FOXP2: variants seen among roughly 807,000 people sequenced by gnomAD.
FOXP2 encodes the protein forkhead box P2, also known as forkhead box protein P2.
In FOXP2, 12 loss-of-function variants were observed where a neutral mutation model predicts 115.8. The ratio of observed to expected loss-of-function variants is 0.10; its 90% CI spans 0.07 to 0.17. The LOEUF is 0.17. Ranked by LOEUF, FOXP2 falls within the 10% of genes least tolerant of loss-of-function variation. The probability of loss-of-function intolerance (pLI) is 1.00; values close to 1 mark genes in which losing one functional copy is unlikely to be tolerated. For missense variants in FOXP2, 629 were observed against 843.5 expected (o/e 0.75, Z 3.15); for synonymous variants, 328 against 297.7 (o/e 1.10, Z -1.05).
intron 3 of FOXP2, chr7:114,570,897 C>T: frequency 6.2e-7 from 1 of 1,609,118 alleles, no homozygotes; most frequent in Non-Finnish European, 8.5e-7. Flanking sequence ...TTACACTGGG[C>T]AATTAGAAAT....
At chr7:114,525,270 C>T (rs1323866899) in intron 2 of FOXP2, among the ~76,000 whole-genome samples, 1 of 152,122 alleles carries the variant, frequency 6.6e-6, no homozygotes, top group Admixed American at 6.5e-5. Flanking sequence ...CAAAAGTCTT[C>T]GCCTGGAATA....
intron 2 of FOXP2, among the ~76,000 whole-genome samples, chr7:114,492,045 C>T (rs941012986): frequency 2.0e-5 from 3 of 152,018 alleles, no homozygotes; most frequent in Non-Finnish European, 2.9e-5. Flanking sequence ...TGGTCCTGGA[C>T]TTTTTTTGGT....
chr7:114,141,142 C>A lies in FOXP2; in HGVS notation c.-246-21802C>A, dbSNP rs114174642. 3.6e-3 allele frequency among the ~76,000 whole-genome samples: 550 copies of A among 152,128 alleles called. 5 individuals carry two copies. Among genetic ancestry groups the A allele is most frequent in the African/African-American group, 0.013 (525 of 41,506 alleles). ...TAAAATGAGAAAGAAAAGAAAGGCC[C>A]ATATTTACCAGTAAGCTAAGTCACT... On this transcript the variant is annotated intron_variant, in intron 1 of 19. Coordinates refer to the FOXP2 transcript ENST00000635638.
chr7:114,390,677 C>T (rs1792573040), intron 2 of FOXP2, among the ~76,000 whole-genome samples: 2 of 152,152 alleles, frequency 1.3e-5, no homozygotes, highest in Middle Eastern at 6.8e-3. Context: ...ACCTCAGCCT[C>T]CTGAGTAGCT....
At chr7:114,596,290 G>A (rs1802702864) in intron 3 of FOXP2, among the ~76,000 whole-genome samples, 1 of 152,024 alleles carries the variant, frequency 6.6e-6, no homozygotes, top group African/African-American at 2.4e-5. Flanking sequence ...TTTATGGCAA[G>A]CAATTGTCAA....
At chr7:114,386,237 G>GC (rs1268493725) in intron 2 of FOXP2, among the ~76,000 whole-genome samples, 6 of 152,196 alleles carry the variant, frequency 3.9e-5, no homozygotes, top group African/African-American at 1.4e-4. Context: ...GAGTGCAGTT[G>GC]CAAGATTTAA....
At chr7:114,106,313 A>G (rs754037660) in intron 1 of FOXP2, among the ~76,000 whole-genome samples, 1 of 151,624 alleles carries the variant, frequency 6.6e-6, no homozygotes, top group Non-Finnish European at 1.5e-5. Flanking sequence ...TTTAGTGATA[A>G]CTAGGGATCT....
chr7:114,688,995 A>G (rs959358718), intron 16 of FOXP2, among the ~76,000 whole-genome samples: 2 of 152,080 alleles, frequency 1.3e-5, no homozygotes, highest in South Asian at 2.1e-4. Context: ...TTGATTATTT[A>G]TATATAATAT....
chr7:114,145,750 A>G (rs1004172816), intron 1 of FOXP2, among the ~76,000 whole-genome samples: 1 of 152,156 alleles, frequency 6.6e-6, no homozygotes, highest in Non-Finnish European at 1.5e-5. Context: ...CAGAGAACAT[A>G]TATGCAATTC....
intron 2 of FOXP2, among the ~76,000 whole-genome samples, chr7:114,328,096 T>G (rs1337538255): frequency 2.6e-5 from 4 of 151,404 alleles, no homozygotes. Context: ...AATTTTTTTT[T>G]TCTTGTAGAG....
At chr7:114,161,906 C>A (rs1226125048), upstream of FOXP2, among the ~76,000 whole-genome samples, 1 of 152,052 alleles carries the variant, frequency 6.6e-6, no homozygotes, top group Admixed American at 6.6e-5. Context: ...CCTCAGCCTC[C>A]TGAGTAGCTG....
Position 114,426,597 on chromosome 7 carries a change from C to T in FOXP2, c.86C>T (p.Ala29Val). Residue 29 changes from alanine to valine, a missense_variant, in exon 2 of 17, where the codon GCT becomes GTT. Ala to Val is a moderately conservative substitution (Grantham distance 64, BLOSUM62 0). Transcript: ENST00000350908. Reference protein sequence around the residue: ...GMSTLSSQLDAGSRDGRSSGD... With the variant: ...GMSTLSSQLDVGSRDGRSSGD... The stretch of plus-strand genomic sequence containing the variant: ...AGCACTCTAAGCAGCCAATTAGATG[C>T]TGGCAGCAGAGATGGAAGATCAAGT... The T allele has an allele frequency of 6.2e-7, 1 of 1,611,680 alleles. No individual in the cohort carries two copies. The highest frequency in any genetic ancestry group is 2.2e-5 in the East Asian group (1 of 44,754).
intron 2 of FOXP2, among the ~76,000 whole-genome samples, chr7:114,500,275 A>G (rs1036115853): frequency 6.6e-6 from 1 of 151,830 alleles, no homozygotes; most frequent in African/African-American, 2.4e-5. Flanking sequence ...CAAAATGAGA[A>G]ACTGAAACTT....
intron 2 of FOXP2, among the ~76,000 whole-genome samples, chr7:114,324,637 C>T (rs938903653): frequency 2.6e-5 from 4 of 151,674 alleles, no homozygotes; most frequent in Non-Finnish European, 3.0e-5. Flanking sequence ...TAATAATTGG[C>T]GACTGTTATC....
intron 3 of FOXP2, among the ~76,000 whole-genome samples, chr7:114,536,769 A>G (rs1414364392): frequency 3.3e-5 from 5 of 151,526 alleles, no homozygotes; most frequent in African/African-American, 1.2e-4. Context: ...ATTAGTTTGT[A>G]ATTTTAATGA....
chr7:114,564,825 G>A (rs1348124005), intron 3 of FOXP2, among the ~76,000 whole-genome samples: 1 of 149,120 alleles, frequency 6.7e-6, no homozygotes, highest in Non-Finnish European at 1.5e-5. Context: ...ATGCTGCAGT[G>A]AGCCAAGATT....
At chr7:114,680,599 C>G (rs1055224473) in intron 16 of FOXP2, among the ~76,000 whole-genome samples, 1 of 152,050 alleles carries the variant, frequency 6.6e-6, no homozygotes, top group African/African-American at 2.4e-5. Context: ...AGACTATACC[C>G]CTTACACTCC....
chr7:114,305,403 A>T (rs1398492751), intron 2 of FOXP2, among the ~76,000 whole-genome samples: 2 of 152,176 alleles, frequency 1.3e-5, no homozygotes, highest in African/African-American at 4.8e-5. Flanking sequence ...CTTTAAGTAA[A>T]TTAAATTATA....
intron 2 of FOXP2, among the ~76,000 whole-genome samples, chr7:114,348,210 A>G (rs1791393999): frequency 1.3e-5 from 2 of 152,114 alleles, no homozygotes; most frequent in Non-Finnish European, 2.9e-5. Context: ...AAAATGATTA[A>G]TAATAGATTA....
Sources: gnomAD v4.1 joint callset for allele counts (sites outside exome capture counted in the v4.1 genomes callset) on GRCh38, gnomAD v4.1.1 for gene constraint, MANE v1.5 for transcripts, NCBI Gene and HGNC (gene_info 2026-07-23, HGNC 2026-07-21) for gene names.